TAF4B: variants seen among roughly 807,000 people sequenced by gnomAD.
TAF4B encodes the protein TATA-box binding protein associated factor 4b.
TAF4B carries 38 observed loss-of-function variants against 86.4 expected under a neutral mutation model. That is an observed-to-expected ratio of 0.44 (90% confidence interval 0.34 to 0.58). The LOEUF is 0.58. Among genes scored for constraint, TAF4B ranks in the 20% least tolerant of loss-of-function variants. TAF4B has a pLI of 0.02. For synonymous variants in TAF4B, 388 were observed against 391.2 expected (o/e 0.99, Z 0.10); for missense variants, 988 against 1,027.6 (o/e 0.96, Z 0.53).
intron 1 of TAF4B, among the ~76,000 whole-genome samples, chr18:26,246,942 C>T (rs780471665): frequency 2.8e-4 from 43 of 151,706 alleles, no homozygotes; most frequent in Non-Finnish European, 5.4e-4. Flanking sequence ...CCCTCTCCCC[C>T]GCCACTGACC....
rs752239406 is a variant in TAF4B at position 26,227,186 on chromosome 18, G to T, written c.253G>T (p.Gly85Cys). ...CAGCGCCCCTCCTAAAGTCAGCAGC[G>T]GCCCTAGGCTGCCTGCTCCTCAGAT... ...PVSAPPKVSSGPRLPAPQIVA... is the reference protein window; with the variant it reads ...PVSAPPKVSSCPRLPAPQIVA... The change falls in exon 1 of 15, where the codon GGC becomes TGC. Residue 85 changes from glycine (G) to cysteine (C), a missense_variant. Gly to Cys is a radical substitution (Grantham distance 159). Around this residue, in one of 3 missense-constraint regions of TAF4B, gnomAD observed 747 missense variants for 737.9 expected, o/e 1.01. Coordinates refer to ENST00000269142, the MANE Select transcript of TAF4B (RefSeq NM_005640.3). 6.2e-7 allele frequency: 1 copy of T among 1,614,038 alleles called. No homozygotes were observed. The highest frequency in any genetic ancestry group is 1.3e-5 in the African/African-American group (1 of 75,022).
chr18:26,267,520 C>G lies in TAF4B; in HGVS notation c.494C>G (p.Ser165Cys), dbSNP rs199728172. 434 of 1,613,444 alleles carry G rather than the reference C, an allele frequency of 2.7e-4. No individual in the cohort carries two copies. The highest frequency in any genetic ancestry group is 3.7e-4 in the Admixed American group (22 of 60,008). ...TTGCTCCCCTCCACCGCCAAGAACT[C>G]TAGCTCACAATTAATCAAGAAAGTG... ...QTVKICTVPN[S>C]SSQLIKKVAV... The change falls in exon 3 of 15, where the codon TCT (serine) becomes TGT (cysteine). Residue 165 changes from serine (S) to cysteine (C), a missense_variant. Ser to Cys is a moderately radical substitution (Grantham distance 112). Coordinates refer to ENST00000269142, the MANE Select transcript of TAF4B (RefSeq NM_005640.3).
chr18:26,357,754 T>C lies in TAF4B; in HGVS notation c.2381T>C (p.Ile794Thr). ...RDANLTALAAIGPRKKRPLES... is the reference protein window; with the variant it reads ...RDANLTALAATGPRKKRPLES... ...GCTAATCTCACAGCTCTTGCAGCTA[T>C]TGGACCAAGGAAGAAGAGACCACTA... The change falls in exon 14 of 15, where the codon ATT becomes ACT. Residue 794 changes from isoleucine to threonine, a missense_variant. By Grantham distance (89) the Ile-to-Thr change is moderately conservative. Transcript: ENST00000269142. 1 of 1,613,222 alleles carries C rather than the reference T, an allele frequency of 6.2e-7. No individual in the cohort carries two copies. Among genetic ancestry groups the C allele is most frequent in the Non-Finnish European group, 8.5e-7 (1 of 1,179,526 alleles).
Position 26,286,355 on chromosome 18 carries a change from A to G in TAF4B, c.1446A>G (p.Pro482=), listed in dbSNP as rs560205783. 3 of 1,614,250 alleles carry G rather than the reference A, an allele frequency of 1.9e-6. No individual in the cohort carries two copies. The highest frequency in any genetic ancestry group is 1.1e-5 in the South Asian group (1 of 91,088). ...GETSGAAICL[P]SVKPVVSSAG... Reference sequence around the variant, plus strand: ...CTTCAGGTGCAGCTATTTGTCTTCCATCTGTGAAACCTGTTGTTTCTTCTG... The same window carrying G: ...CTTCAGGTGCAGCTATTTGTCTTCCGTCTGTGAAACCTGTTGTTTCTTCTG... The change falls in exon 7 of 15, where the codon CCA becomes CCG. Residue 482 remains proline (P), a synonymous_variant. Transcript: ENST00000269142.
At position 26,226,647 on chromosome 18, in the gene TAF4B, G is replaced by C; in HGVS notation, c.-287G>C. ...AGCGGGACCCGAGCCTGAGGCGCAG[G>C]GCTGAGGCAGCGCACGTGTGAGCGC... is the stretch of plus-strand genomic sequence containing the variant. On this transcript the variant is annotated 5_prime_UTR_variant, in exon 1 of 15. Coordinates refer to ENST00000269142, the MANE Select transcript of TAF4B (RefSeq NM_005640.3). The C allele has an allele frequency of 3.2e-6, 1 of 312,092 alleles. No individual in the cohort carries two copies. Among genetic ancestry groups the C allele is most frequent in the Non-Finnish European group, 5.8e-6 (1 of 171,748 alleles). The allele number at this position is 312,092 out of a possible 1,614,324, so 19.3% of individuals were successfully genotyped here.
Position 26,357,745 on chromosome 18 carries a change from T to A in TAF4B, c.2372T>A (p.Leu791His). The A allele has an allele frequency of 6.2e-7, 1 of 1,613,420 alleles. No individual in the cohort carries two copies. Among genetic ancestry groups the A allele is most frequent in the Non-Finnish European group, 8.5e-7 (1 of 1,179,650 alleles). ...CATAGAGACGCTAATCTCACAGCTC[T>A]TGCAGCTATTGGACCAAGGAAGAAG... is the stretch of plus-strand genomic sequence containing the variant. ...IQHRDANLTA[L>H]AAIGPRKKRP... The change falls in exon 14 of 15, where the codon CTT (leucine) becomes CAT (histidine). Residue 791 changes from leucine (L) to histidine (H), a missense_variant. Leu to His is a moderately conservative substitution (Grantham distance 99). Around this residue, in one of 3 missense-constraint regions of TAF4B, gnomAD observed 216 missense variants for 238.4 expected, o/e 0.91. Transcript: ENST00000269142.
intron 5 of TAF4B, 145 bp downstream of exon 5, chr18:26,275,198 C>A: frequency 1.1e-6 from 1 of 912,320 alleles, no homozygotes; most frequent in Non-Finnish European, 1.5e-6. Context: ...CTCTGTTGCC[C>A]AAGCTGGAGT....
At chr18:26,333,383 A>G (rs896714221) in intron 12 of TAF4B, among the ~76,000 whole-genome samples, 14 of 148,584 alleles carry the variant, frequency 9.4e-5, no homozygotes, top group Non-Finnish European at 1.8e-4. Context: ...ACCATGCCCA[A>G]ATTAAATTTA....
Position 26,226,952 on chromosome 18 carries a change from G to T in TAF4B, c.19G>T (p.Glu7Ter). Residue 7 changes from glutamate (E) to a stop codon, truncating the protein, a stop_gained, in exon 1 of 15, where the codon GAA (glutamate) becomes TAA (stop). Transcript: ENST00000269142. LOFTEE classifies it high-confidence loss of function. MPAGLT[E>*]PAGAAPPAAV... ...CTGGGGGATGCCCGCCGGCCTCACC[G>T]AACCCGCCGGCGCCGCTCCCCCGGC... The T allele has an allele frequency of 1.5e-6, 2 of 1,378,104 alleles. No individual in the cohort carries two copies. Among genetic ancestry groups the T allele is most frequent in the South Asian group, 1.7e-5 (1 of 60,554 alleles). 85.4% of individuals were successfully genotyped at this position (1,378,104 alleles called of 1,614,324 possible).
chr18:26,326,418 C>A (rs540675190), intron 11 of TAF4B, among the ~76,000 whole-genome samples: 1 of 152,140 alleles, frequency 6.6e-6, no homozygotes, highest in Non-Finnish European at 1.5e-5. Flanking sequence ...CAAATTCACA[C>A]CCCTGAGTAA....
intron 14 of TAF4B, 67 bp downstream of exon 14, chr18:26,357,861 T>G (rs1327871877): frequency 2.5e-6 from 3 of 1,223,134 alleles, no homozygotes; most frequent in Non-Finnish European, 3.5e-6. Flanking sequence ...AAGCAAAGAC[T>G]TAAAAATAGT....
At chr18:26,326,557 T>G (rs2057006578) in intron 11 of TAF4B, among the ~76,000 whole-genome samples, 1 of 152,208 alleles carries the variant, frequency 6.6e-6, no homozygotes, top group South Asian at 2.1e-4. Context: ...AACTTTCATC[T>G]TTGGTATATT....
At chr18:26,256,876 A>G (rs1176902055) in intron 1 of TAF4B, among the ~76,000 whole-genome samples, 1 of 150,092 alleles carries the variant, frequency 6.7e-6, no homozygotes, top group Non-Finnish European at 1.5e-5. Context: ...GGTGGAGACC[A>G]TACATTGTAT....
At chr18:26,308,083 A>C (rs974042566) in intron 9 of TAF4B, among the ~76,000 whole-genome samples, 9 of 152,010 alleles carry the variant, frequency 5.9e-5, no homozygotes, top group African/African-American at 2.2e-4. Flanking sequence ...CACTCAAGCC[A>C]AAAACAAAAA....
chr18:26,242,560 A>C (rs2055856533), intron 1 of TAF4B, among the ~76,000 whole-genome samples: 1 of 152,122 alleles, frequency 6.6e-6, no homozygotes, highest in Non-Finnish European at 1.5e-5. Context: ...TGTGTCTTTT[A>C]ATTGGAACAT....
chr18:26,352,317 G>C (rs532873993), intron 13 of TAF4B, among the ~76,000 whole-genome samples: 5 of 151,926 alleles, frequency 3.3e-5, no homozygotes, highest in Non-Finnish European at 5.9e-5. Context: ...TAACAAGATA[G>C]GAGAAAATGC....
chr18:26,346,879 A>ATG (rs2057199447), intron 13 of TAF4B, among the ~76,000 whole-genome samples: 1 of 5,828 alleles, frequency 1.7e-4, no homozygotes, highest in South Asian at 9.1e-3. Flanking sequence ...ATATATGTGT[A>ATG]TATATATATA....
At chr18:26,359,765 G>T (rs1302378995) in intron 14 of TAF4B, among the ~76,000 whole-genome samples, 3 of 152,142 alleles carry the variant, frequency 2.0e-5, no homozygotes, top group African/African-American at 7.2e-5. Flanking sequence ...CTGTCACCCA[G>T]GATGGAGTGG....
At position 26,346,861 on chromosome 18, in the gene TAF4B, GTA is replaced by G. The variant is rs1173384806; in HGVS notation, c.2317-10817_2317-10816del. Among the ~76,000 whole-genome samples the G allele has an allele frequency of 3.9e-4, 7 of 17,764 alleles. 1 individual carries two copies. Among genetic ancestry groups the G allele is most frequent in the African/African-American group, 6.8e-4 (6 of 8,862 alleles). The allele number at this position is 17,764 out of a possible 152,430, so 11.7% of individuals were successfully genotyped here. On this transcript the variant is annotated intron_variant, in intron 13 of 14. Coordinates refer to ENST00000269142, the MANE Select transcript of TAF4B (RefSeq NM_005640.3). ...TGTGTGTGTGTATATATATATATGT[GTA>G]TATATATATATGTGTATATATATAT...
Sources: allele counts gnomAD v4.1 joint callset (sites outside exome capture counted in the v4.1 genomes callset), GRCh38; gene constraint gnomAD v4.1.1; regional missense constraint gnomAD v4.1.1; transcripts MANE v1.5; gene names NCBI Gene and HGNC (gene_info 2026-07-23, HGNC 2026-07-21).